Variants in CNTNAP2 observed in about 807,000 individuals in gnomAD.
CNTNAP2 encodes the protein contactin associated protein 2.
In CNTNAP2, 98 loss-of-function variants were observed where a neutral mutation model predicts 155.2. That is an observed-to-expected ratio of 0.63 (90% CI 0.54 to 0.75). CNTNAP2 has a LOEUF of 0.75. Ranked by LOEUF, CNTNAP2 falls within the 30% of genes least tolerant of loss-of-function variation. The pLI, the probability that CNTNAP2 is intolerant of heterozygous loss-of-function variation, is 0.00. For synonymous variants in CNTNAP2, 651 were observed against 631.2 expected (o/e 1.03, Z -0.47); for missense variants, 1,727 against 1,688.1 (o/e 1.02, Z -0.40).
intron 3 of CNTNAP2, among the ~76,000 whole-genome samples, chr7:146,950,834 G>C (rs1203336010): frequency 2.0e-5 from 3 of 152,086 alleles, no homozygotes; most frequent in African/African-American, 7.2e-5. Context: ...GGGTCTAATG[G>C]TATTTCTGGT....
chr7:148,331,171 AATGG>A (rs1158939461), intron 21 of CNTNAP2, among the ~76,000 whole-genome samples: 1 of 144,554 alleles, frequency 6.9e-6, no homozygotes, highest in African/African-American at 2.6e-5. Flanking sequence ...GGACGGATGG[AATGG>A]ATGGATGGAA....
At chr7:147,892,352 A>T (rs1810185638) in intron 13 of CNTNAP2, among the ~76,000 whole-genome samples, 1 of 152,222 alleles carries the variant, frequency 6.6e-6, no homozygotes, top group African/African-American at 2.4e-5. Flanking sequence ...ACTGTTGTTA[A>T]AAGAATAAGA....
intron 1 of CNTNAP2, among the ~76,000 whole-genome samples, chr7:146,771,355 G>A (rs1429626471): frequency 6.6e-6 from 1 of 152,012 alleles, no homozygotes; most frequent in Non-Finnish European, 1.5e-5. Context: ...TAATATAACG[G>A]GAACATTAGA....
At chr7:148,315,199 C>T (rs1797666381) in intron 21 of CNTNAP2, among the ~76,000 whole-genome samples, 1 of 152,112 alleles carries the variant, frequency 6.6e-6, no homozygotes, top group Admixed American at 6.5e-5. Flanking sequence ...AGTCACAGCA[C>T]CAAATTTCAC....
intron 13 of CNTNAP2, among the ~76,000 whole-genome samples, chr7:147,854,536 C>T (rs796418512): frequency 3.1e-4 from 47 of 152,204 alleles, no homozygotes; most frequent in African/African-American, 9.6e-4. Context: ...ATACCCACAA[C>T]ATTTAGAAAA....
At chr7:148,201,351 C>G (rs996421575) in intron 18 of CNTNAP2, among the ~76,000 whole-genome samples, 4 of 152,198 alleles carry the variant, frequency 2.6e-5, no homozygotes, top group African/African-American at 9.7e-5. Flanking sequence ...TGAGAGTTCG[C>G]TTTAGCTTGC....
At chr7:148,383,032 G>A (rs1281281689) in intron 21 of CNTNAP2, among the ~76,000 whole-genome samples, 1 of 152,154 alleles carries the variant, frequency 6.6e-6, no homozygotes, top group Non-Finnish European at 1.5e-5. Flanking sequence ...ATTCACCAAG[G>A]CATGTGTTGT....
chr7:148,099,381 A>G (rs1161510960), intron 15 of CNTNAP2, among the ~76,000 whole-genome samples: 1 of 151,558 alleles, frequency 6.6e-6, no homozygotes, highest in African/African-American at 2.4e-5. Flanking sequence ...AAAATTTGCT[A>G]TGGCCAGTGA....
chr7:148,310,831 T>C (rs1487288464), intron 21 of CNTNAP2, among the ~76,000 whole-genome samples: 1 of 151,952 alleles, frequency 6.6e-6, no homozygotes, highest in Non-Finnish European at 1.5e-5. Context: ...GAGGTTGTAA[T>C]GGGGATTGAT....
At chr7:147,466,506 A>G (rs1798121942) in intron 10 of CNTNAP2, among the ~76,000 whole-genome samples, 1 of 152,064 alleles carries the variant, frequency 6.6e-6, no homozygotes, top group Non-Finnish European at 1.5e-5. Context: ...ACCTTGGGGG[A>G]TAATAGGATC....
intron 15 of CNTNAP2, among the ~76,000 whole-genome samples, chr7:148,106,517 TATAC>T (rs1185610563): frequency 6.8e-6 from 1 of 146,486 alleles, no homozygotes; most frequent in Non-Finnish European, 1.5e-5. Context: ...TATATATATA[TATAC>T]ATATTTTTTT....
chr7:146,609,267 C>A lies in CNTNAP2; in HGVS notation c.98-165004C>A, dbSNP rs1308388622. Among the ~76,000 whole-genome samples the A allele has an allele frequency of 3.9e-5, 6 of 152,236 alleles. No individual in the cohort carries two copies. In the East Asian group the frequency reaches 1.2e-3, roughly 29 times the overall value. Reference sequence around the variant, plus strand: ...TTGTTTTGTCTTCTTCTGTAGTGAGCATTATCGGTATTTGCACCCACCCCA... The same window carrying A: ...TTGTTTTGTCTTCTTCTGTAGTGAGAATTATCGGTATTTGCACCCACCCCA... On this transcript the variant is annotated intron_variant, in intron 1 of 23. Coordinates refer to ENST00000361727, the MANE Select transcript of CNTNAP2 (RefSeq NM_014141.6).
intron 1 of CNTNAP2, among the ~76,000 whole-genome samples, chr7:146,398,633 G>T (rs963773205): frequency 1.3e-5 from 2 of 152,172 alleles, no homozygotes; most frequent in African/African-American, 2.4e-5. Context: ...TCTAGAAGGT[G>T]AGAAGTAGCT....
At chr7:147,052,570 G>T (rs1799492319) in intron 4 of CNTNAP2, among the ~76,000 whole-genome samples, 1 of 151,944 alleles carries the variant, frequency 6.6e-6, no homozygotes, top group Non-Finnish European at 1.5e-5. Flanking sequence ...TTCAAACAGA[G>T]CTATAGACAG....
chr7:146,941,260 A>G (rs1797050036), intron 3 of CNTNAP2, among the ~76,000 whole-genome samples: 1 of 152,010 alleles, frequency 6.6e-6, no homozygotes. Flanking sequence ...TTTTTAGTGT[A>G]TCAAAGTTAT....
At chr7:147,942,935 G>A (rs1800751075) in intron 14 of CNTNAP2, among the ~76,000 whole-genome samples, 1 of 151,984 alleles carries the variant, frequency 6.6e-6, no homozygotes, top group Non-Finnish European at 1.5e-5. Flanking sequence ...TACTCGGGAG[G>A]CTGAGGCAGG....
At chr7:147,518,618 A>G (rs577839841) in intron 11 of CNTNAP2, among the ~76,000 whole-genome samples, 1 of 152,356 alleles carries the variant, frequency 6.6e-6, no homozygotes, top group South Asian at 2.1e-4. Flanking sequence ...TATAGATTTC[A>G]GAAACACTGA....
chr7:146,414,637 G>A (rs977660860), intron 1 of CNTNAP2, among the ~76,000 whole-genome samples: 106 of 152,236 alleles, frequency 7.0e-4, no homozygotes, highest in African/African-American at 2.5e-3. Flanking sequence ...TCTATAAGGG[G>A]TGACTGAAGG....
intron 2 of CNTNAP2, among the ~76,000 whole-genome samples, chr7:146,782,569 C>G (rs564653798): frequency 5.9e-5 from 9 of 152,198 alleles, no homozygotes; most frequent in Admixed American, 3.9e-4. Flanking sequence ...ATTACTATAT[C>G]TGAACCAGGA....
Sources: gnomAD v4.1 joint callset for allele counts (sites outside exome capture counted in the v4.1 genomes callset) on GRCh38, gnomAD v4.1.1 for gene constraint, MANE v1.5 for transcripts, NCBI Gene and HGNC (gene_info 2026-07-23, HGNC 2026-07-21) for gene names.